KHDRBS3: variants seen among roughly 807,000 people sequenced by gnomAD.
The protein encoded by KHDRBS3 is KH RNA binding domain containing, signal transduction associated 3, also known as KH domain-containing, RNA-binding, signal transduction-associated protein 3.
A neutral mutation model predicts 45.6 loss-of-function variants in KHDRBS3; 23 were observed. That is an observed-to-expected ratio of 0.50 (90% CI 0.36 to 0.72). The LOEUF (loss-of-function observed/expected upper bound fraction) is 0.72. Among genes scored for constraint, KHDRBS3 ranks in the 30% least tolerant of loss-of-function variants. The probability of loss-of-function intolerance (pLI) is 0.00; values close to 1 mark genes in which losing one functional copy is unlikely to be tolerated. For missense variants in KHDRBS3, 352 were observed against 424.8 expected (o/e 0.83, Z 1.51); for synonymous variants, 162 against 156.5 (o/e 1.04, Z -0.26).
At chr8:135,648,844 A>G (rs1425906290), downstream of KHDRBS3, among the ~76,000 whole-genome samples, 7 of 152,168 alleles carry the variant, frequency 4.6e-5, no homozygotes, top group Admixed American at 4.6e-4. Context: ...AAATATTCAG[A>G]TTACTTTCTT....
At chr8:135,548,127 C>T (rs934713801) in intron 3 of KHDRBS3, among the ~76,000 whole-genome samples, 3 of 152,098 alleles carry the variant, frequency 2.0e-5, no homozygotes, top group African/African-American at 7.2e-5. Context: ...AGCAAATTGA[C>T]ATAGCAATGA....
chr8:135,554,611 C>T (rs922580519), intron 4 of KHDRBS3, among the ~76,000 whole-genome samples: 1 of 152,178 alleles, frequency 6.6e-6, no homozygotes, highest in East Asian at 1.9e-4. Flanking sequence ...AATATTGACT[C>T]CATTCTTAAT....
At chr8:135,459,978 A>G (rs1442053170) in intron 1 of KHDRBS3, among the ~76,000 whole-genome samples, 2 of 152,264 alleles carry the variant, frequency 1.3e-5, no homozygotes, top group African/African-American at 2.4e-5. Flanking sequence ...TCTTACTGTT[A>G]GTTTAGATGA....
intron 7 of KHDRBS3, among the ~76,000 whole-genome samples, chr8:135,637,177 G>A (rs1409625509): frequency 1.3e-5 from 2 of 152,166 alleles, no homozygotes; most frequent in Non-Finnish European, 2.9e-5. Context: ...GGCTCTTATT[G>A]AAAGCAGACT....
At position 135,501,665 on chromosome 8, in the gene KHDRBS3, AT is replaced by A. The variant is rs368056816; in HGVS notation, c.89-19562del. ...AGTTATCCAAAAATGTAGCTTATCGATTTTTTTTTTCTCTAGCTCGCAGAAA... is the reference window on the plus strand; with the variant it reads ...AGTTATCCAAAAATGTAGCTTATCGATTTTTTTTTCTCTAGCTCGCAGAAA... On this transcript the variant is annotated intron_variant, in intron 1 of 8. Transcript: ENST00000355849. Among the ~76,000 whole-genome samples the A allele has an allele frequency of 1.4e-3, 215 of 150,282 alleles. 1 individual carries two copies. Among genetic ancestry groups the A allele is most frequent in the African/African-American group, 4.7e-3 (194 of 41,002 alleles).
At chr8:135,584,412 T>C (rs923890446) in intron 6 of KHDRBS3, among the ~76,000 whole-genome samples, 1 of 152,238 alleles carries the variant, frequency 6.6e-6, no homozygotes, top group Non-Finnish European at 1.5e-5. Context: ...AATACCATCA[T>C]GAGTGCACCT....
chr8:135,462,999 A>G (rs1821508460), intron 1 of KHDRBS3, among the ~76,000 whole-genome samples: 1 of 152,184 alleles, frequency 6.6e-6, no homozygotes, highest in Non-Finnish European at 1.5e-5. Flanking sequence ...TTCATACTTC[A>G]TTCTTCACAT....
chr8:135,650,025 C>G (rs771022659), downstream of KHDRBS3, among the ~76,000 whole-genome samples: 67 of 152,232 alleles, frequency 4.4e-4, no homozygotes, highest in African/African-American at 1.6e-3. Flanking sequence ...AGTCTTCTCA[C>G]GTCTCTAAGA....
At chr8:135,624,669 T>C (rs1289350471) in intron 7 of KHDRBS3, among the ~76,000 whole-genome samples, 2 of 152,174 alleles carry the variant, frequency 1.3e-5, no homozygotes, top group Non-Finnish European at 2.9e-5. Context: ...AAGACAGAAG[T>C]TTCCAAAGGT....
chr8:135,532,588 G>A (rs562116656), intron 2 of KHDRBS3, among the ~76,000 whole-genome samples: 51 of 152,132 alleles, frequency 3.4e-4, no homozygotes, highest in Non-Finnish European at 4.4e-4. Flanking sequence ...TTTTGTGTGC[G>A]AGGCATTATT....
At chr8:135,520,038 G>A (rs1373154791) in intron 1 of KHDRBS3, among the ~76,000 whole-genome samples, 1 of 152,214 alleles carries the variant, frequency 6.6e-6, no homozygotes, top group African/African-American at 2.4e-5. Context: ...AAACAAATCT[G>A]AGGGTAAATC....
chr8:135,491,323 G>A (rs990926174), intron 1 of KHDRBS3, among the ~76,000 whole-genome samples: 1 of 151,726 alleles, frequency 6.6e-6, no homozygotes, highest in East Asian at 1.9e-4. Flanking sequence ...TGTGTATGTG[G>A]CACTTTACTT....
At chr8:135,517,900 T>TA (rs1481329249) in intron 1 of KHDRBS3, among the ~76,000 whole-genome samples, 1 of 152,226 alleles carries the variant, frequency 6.6e-6, no homozygotes, top group Non-Finnish European at 1.5e-5. Context: ...TTAAGATTTG[T>TA]AGGATGCTGT....
intron 1 of KHDRBS3, among the ~76,000 whole-genome samples, chr8:135,493,765 T>C (rs1163859849): frequency 1.3e-5 from 2 of 152,154 alleles, no homozygotes; most frequent in African/African-American, 4.8e-5. Context: ...TGTAAAACTT[T>C]TGTGATTTTG....
intron 4 of KHDRBS3, chr8:135,549,596 G>C (rs1826484996): frequency 6.6e-6 from 1 of 152,166 alleles, no homozygotes; most frequent in Admixed American, 6.5e-5. Context: ...GTATGCTCTT[G>C]ATAAAAGGAC....
intron 7 of KHDRBS3, among the ~76,000 whole-genome samples, chr8:135,638,839 T>C (rs2131171980): frequency 7.0e-6 from 1 of 143,052 alleles, no homozygotes; most frequent in South Asian, 2.5e-4. Flanking sequence ...TAGTCCCAGC[T>C]ACTCCCAGCT....
chr8:135,596,490 T>C (rs1053034011), intron 6 of KHDRBS3, among the ~76,000 whole-genome samples: 2 of 152,170 alleles, frequency 1.3e-5, no homozygotes, highest in Non-Finnish European at 2.9e-5. Flanking sequence ...GGGACTAAGG[T>C]TAACCTAGAC....
chr8:135,571,688 G>A (rs1004823373), intron 5 of KHDRBS3, among the ~76,000 whole-genome samples: 7 of 152,074 alleles, frequency 4.6e-5, no homozygotes, highest in Admixed American at 3.3e-4. Context: ...CCAGTTAAGG[G>A]TGCAAAGGCT....
chr8:135,513,558 T>G (rs1824416379), intron 1 of KHDRBS3, among the ~76,000 whole-genome samples: 1 of 152,226 alleles, frequency 6.6e-6, no homozygotes, highest in Admixed American at 6.5e-5. Context: ...CAAAGACTCT[T>G]ACTCTCTGAG....
Sources: gnomAD v4.1 joint callset for allele counts (sites outside exome capture counted in the v4.1 genomes callset) on GRCh38, gnomAD v4.1.1 for gene constraint, MANE v1.5 for transcripts, NCBI Gene and HGNC (gene_info 2026-07-23, HGNC 2026-07-21) for gene names.